Variants in NSF observed in about 807,000 individuals in gnomAD.
NSF encodes the protein N-ethylmaleimide sensitive factor, vesicle fusing ATPase.
In NSF, 14 loss-of-function variants were observed where a neutral mutation model predicts 50.3. The ratio of observed to expected loss-of-function variants is 0.28; its 90% CI spans 0.18 to 0.44. NSF has a LOEUF of 0.44. Among genes scored for constraint, NSF ranks in the 20% least tolerant of loss-of-function variants. The probability of loss-of-function intolerance (pLI) is 1.00; values close to 1 mark genes in which losing one functional copy is unlikely to be tolerated. For missense variants in NSF, 218 were observed against 504.3 expected, an observed-to-expected ratio of 0.43 and a Z score of 5.44; for synonymous variants, 109 against 175.7, an observed-to-expected ratio of 0.62 and a Z score of 3.00.
intron 14 of NSF, chr17:46,713,152 A>G (rs1348264008): frequency 6.6e-6 from 1 of 152,208 alleles, no homozygotes; most frequent in Admixed American, 6.5e-5. Context: ...TTTTGTTGTT[A>G]TGTATTAAAC....
rs940520841 is a variant in NSF, at chr17:46,755,991, A to C, written c.*168A>C. 24 of 627,276 alleles carry C rather than the reference A, an allele frequency of 3.8e-5. No homozygotes were observed. In the African/African-American group the frequency reaches 3.9e-4, roughly 10 times the overall value. The allele number at this position is 627,276 out of a possible 1,614,324, so 38.9% of individuals were successfully genotyped here. A position where few individuals can be genotyped will look rare whatever the true frequency, so the allele number is the denominator to read the frequency against. On this transcript the variant is annotated 3_prime_UTR_variant, in exon 21 of 21. Coordinates refer to ENST00000398238, the MANE Select transcript of NSF (RefSeq NM_006178.4). ...CAATAAAACTCCCTTCCTTATGCAT[A>C]CTGAGATAGCTTAGTGTCTCGTGGA...
Position 46,610,045 on chromosome 17 carries a change from T to TG in NSF, c.13-14199_13-14198insG, listed in dbSNP as rs1568013977. On this transcript the variant is annotated intron_variant, in intron 1 of 20. Transcript: ENST00000398238. ...TCTTTCTTTCTCTCTCTCTCTCTCT[T>TG]TCTTTCTTTCTTTCTTTCTTTCCTT... 1.0e-4 allele frequency among the ~76,000 whole-genome samples: 9 copies of TG among 86,282 alleles called. No individual in the cohort carries two copies. The East Asian group carries it at 2.1e-3, about 20-fold the overall frequency. 56.6% of individuals were successfully genotyped at this position (86,282 alleles called of 152,430 possible). A position where few individuals can be genotyped will look rare whatever the true frequency, so the allele number is the denominator to read the frequency against.
At chr17:46,726,312 A>G (rs1394728458) in intron 15 of NSF, among the ~76,000 whole-genome samples, 2 of 152,204 alleles carry the variant, frequency 1.3e-5, no homozygotes, top group Non-Finnish European at 2.9e-5. Flanking sequence ...TTGATTAATG[A>G]TCAGCTAGTC....
intron 15 of NSF, among the ~76,000 whole-genome samples, chr17:46,721,096 C>T (rs147369666): frequency 2.6e-5 from 4 of 152,286 alleles, no homozygotes; most frequent in Non-Finnish European, 5.9e-5. Context: ...CTAATCCCTG[C>T]GTGGCAGAGC....
At chr17:46,738,349 A>G (rs2059032060) in intron 17 of NSF, among the ~76,000 whole-genome samples, 1 of 152,240 alleles carries the variant, frequency 6.6e-6, no homozygotes. Context: ...AGAAATTCAT[A>G]AGAAATTATA....
At chr17:46,733,437 T>A (rs1197156399) in intron 17 of NSF, among the ~76,000 whole-genome samples, 1 of 152,192 alleles carries the variant, frequency 6.6e-6, no homozygotes, top group Non-Finnish European at 1.5e-5. Flanking sequence ...CCTCAACAAG[T>A]GTGAGAGTAG....
intron 17 of NSF, among the ~76,000 whole-genome samples, chr17:46,744,576 C>G (rs1443008173): frequency 6.6e-6 from 1 of 152,000 alleles, no homozygotes; most frequent in Non-Finnish European, 1.5e-5. Context: ...GAAATCAGCC[C>G]TTCCATTTCA....
intron 9 of NSF, among the ~76,000 whole-genome samples, chr17:46,679,647 G>A (rs532231016): frequency 2.8e-5 from 4 of 141,768 alleles, no homozygotes; most frequent in Admixed American, 7.0e-5. Context: ...AGCCAAGATC[G>A]TGCCACTGGA....
At chr17:46,720,673 G>A (rs531142324) in intron 15 of NSF, among the ~76,000 whole-genome samples, 12 of 152,172 alleles carry the variant, frequency 7.9e-5, no homozygotes, top group African/African-American at 2.9e-4. Flanking sequence ...TTAACTAATC[G>A]CTGACAGATT....
At chr17:46,710,008 A>G (rs973693709) in intron 13 of NSF, among the ~76,000 whole-genome samples, 2 of 152,224 alleles carry the variant, frequency 1.3e-5, no homozygotes, top group Non-Finnish European at 2.9e-5. Context: ...ATCACTGGAT[A>G]CTGTTTCAAA....
chr17:46,748,781 G>A (rs537480645), intron 17 of NSF, among the ~76,000 whole-genome samples: 2 of 152,296 alleles, frequency 1.3e-5, no homozygotes, highest in South Asian at 4.1e-4. Context: ...GATTGTTTTA[G>A]AGACAAACTT....
intron 17 of NSF, among the ~76,000 whole-genome samples, chr17:46,740,269 G>A (rs2059056217): frequency 6.6e-6 from 1 of 152,204 alleles, no homozygotes; most frequent in South Asian, 2.1e-4. Flanking sequence ...GCCTAAAGGA[G>A]CAATGTGGGC....
intron 13 of NSF, among the ~76,000 whole-genome samples, chr17:46,710,267 T>C (rs771012308): frequency 1.3e-5 from 2 of 152,238 alleles, no homozygotes; most frequent in East Asian, 1.9e-4. Flanking sequence ...TTGACTACTT[T>C]TGGCAGCTGT....
chr17:46,745,893 TTTG>T (rs1353313712), intron 17 of NSF, among the ~76,000 whole-genome samples: 2 of 152,178 alleles, frequency 1.3e-5, no homozygotes, highest in African/African-American at 2.4e-5. Context: ...ACACCCAGCT[TTTG>T]TTGTTATTTT....
At chr17:46,728,121 TG>T (rs2058910116) in intron 16 of NSF, among the ~76,000 whole-genome samples, 1 of 152,178 alleles carries the variant, frequency 6.6e-6, no homozygotes, top group African/African-American at 2.4e-5. Flanking sequence ...GAGGTGCATA[TG>T]CAGTATGCAG....
At chr17:46,722,604 T>G (rs547588965) in intron 15 of NSF, among the ~76,000 whole-genome samples, 3 of 152,148 alleles carry the variant, frequency 2.0e-5, no homozygotes, top group Non-Finnish European at 2.9e-5. Context: ...GAGTATCTTC[T>G]TAGTGAGAAT....
At chr17:46,609,170 C>T (rs1193009124) in intron 1 of NSF, among the ~76,000 whole-genome samples, 1 of 147,620 alleles carries the variant, frequency 6.8e-6, no homozygotes, top group African/African-American at 2.7e-5. Context: ...TGGTAATGTC[C>T]TCTTGACCTA....
chr17:46,747,971 T>C (rs1472015513), intron 17 of NSF, among the ~76,000 whole-genome samples: 1 of 152,074 alleles, frequency 6.6e-6, no homozygotes. Flanking sequence ...TTGCAGAACA[T>C]AGGAATGAAG....
intron 15 of NSF, 74 bp downstream of exon 15, chr17:46,714,060 G>A: frequency 6.9e-7 from 1 of 1,441,032 alleles, no homozygotes; most frequent in Non-Finnish European, 9.3e-7. Context: ...ATATGCCTTT[G>A]TACATGTATA....
Sources: allele counts gnomAD v4.1 joint callset (sites outside exome capture counted in the v4.1 genomes callset), GRCh38; gene constraint gnomAD v4.1.1; transcripts MANE v1.5; gene names NCBI Gene and HGNC (gene_info 2026-07-23, HGNC 2026-07-21).